Variants in TTLL13 observed in about 807,000 individuals in gnomAD.
TTLL13 encodes tubulin tyrosine ligase like 13.
At chr15:90,264,547 G>C in the TTLL13 span, among the ~76,000 whole-genome samples, 37 of 152,264 alleles carry the variant, frequency 2.4e-4, no homozygotes, top group Middle Eastern at 3.4e-3. Context: ...AGAGGTAATA[G>C]GAACATGGAC....
chr15:90,262,433 T>G, the TTLL13 span: 1 of 1,426,218 alleles, frequency 7.0e-7, no homozygotes, highest in East Asian at 2.5e-5. Flanking sequence ...CCATTTTTCC[T>G]CACCCCTCTT....
At chr15:90,263,175 A>C in the TTLL13 span, 2 of 1,496,202 alleles carry the variant, frequency 1.3e-6, no homozygotes, top group Non-Finnish European at 1.8e-6. Flanking sequence ...CTCCCAGAGG[A>C]AAAGGGAACA....
At chr15:90,254,561 C>T in the TTLL13 span, among the ~76,000 whole-genome samples, 1 of 136,340 alleles carries the variant, frequency 7.3e-6, no homozygotes, top group Non-Finnish European at 1.6e-5. Flanking sequence ...AGGCTGGGCA[C>T]GGTGGACGGT....
chr15:90,258,097 G>T, the TTLL13 span: 1 of 1,614,186 alleles, frequency 6.2e-7, no homozygotes, highest in Non-Finnish European at 8.5e-7. Context: ...GGAGAGCTGT[G>T]GGGGGACATC....
chr15:90,262,398 G>GT, the TTLL13 span: 1 of 1,318,920 alleles, frequency 7.6e-7, no homozygotes, highest in Non-Finnish European at 1.0e-6. Flanking sequence ...AGAACAGATT[G>GT]TAATTTCCTG....
chr15:90,256,543 CTTTTTCTT>C, the TTLL13 span, among the ~76,000 whole-genome samples: 441 of 141,190 alleles, frequency 3.1e-3, 4 homozygotes, highest in African/African-American at 0.011. Flanking sequence ...TGTCTCCTTC[CTTTTTCTT>C]TCTTTCTTTC....
the TTLL13 span, among the ~76,000 whole-genome samples, chr15:90,261,798 A>G: frequency 6.6e-6 from 1 of 152,198 alleles, no homozygotes; most frequent in African/African-American, 2.4e-5. Context: ...AAAGAAAAGC[A>G]AATCAGATTT....
the TTLL13 span, chr15:90,255,739 A>C: frequency 6.2e-7 from 1 of 1,614,078 alleles, no homozygotes; most frequent in Non-Finnish European, 8.5e-7. Context: ...GCTCATACTA[A>C]CTGGCTGTGT....
chr15:90,262,918 G>C, the TTLL13 span: 2,391 of 1,514,252 alleles, frequency 1.6e-3, 24 homozygotes, highest in African/African-American at 0.028. Flanking sequence ...GTGATGGTTT[G>C]GGACTTATCC....
At chr15:90,255,133 T>G in the TTLL13 span, among the ~76,000 whole-genome samples, 14 of 152,242 alleles carry the variant, frequency 9.2e-5, no homozygotes, top group Admixed American at 1.3e-4. Context: ...CAGGGTATTC[T>G]TTTCCAACGG....
chr15:90,257,922 C>T, the TTLL13 span: 1 of 1,065,870 alleles, frequency 9.4e-7, no homozygotes, highest in East Asian at 2.5e-5. Flanking sequence ...CTCCAAACTG[C>T]TAGCAGCCCT....
At chr15:90,263,083 G>A in the TTLL13 span, 3 of 1,536,108 alleles carry the variant, frequency 2.0e-6, no homozygotes, top group Non-Finnish European at 2.6e-6. Context: ...GGGTATTGTA[G>A]AGCAGCTCAC....
At chr15:90,263,490 G>T in the TTLL13 span, 1 of 508,370 alleles carries the variant, frequency 2.0e-6, no homozygotes, top group South Asian at 3.2e-5. Flanking sequence ...TTTCTCCCTA[G>T]CACTGCCAGT....
the TTLL13 span, chr15:90,262,227 T>G: frequency 6.7e-7 from 1 of 1,487,514 alleles, no homozygotes; most frequent in Non-Finnish European, 8.9e-7. Flanking sequence ...CACACCTAGG[T>G]GGGGACAAGT....
chr15:90,256,253 A>C, the TTLL13 span: 2 of 1,614,040 alleles, frequency 1.2e-6, no homozygotes, highest in African/African-American at 2.7e-5. Flanking sequence ...TCCCCGGGAG[A>C]TCAAGCCAGG....
the TTLL13 span, among the ~76,000 whole-genome samples, chr15:90,259,743 A>C: frequency 6.6e-6 from 1 of 152,218 alleles, no homozygotes; most frequent in African/African-American, 2.4e-5. Context: ...ACTTTGTCAT[A>C]AAGAAACACA....
chr15:90,260,430 G>A, the TTLL13 span, among the ~76,000 whole-genome samples: 1 of 152,224 alleles, frequency 6.6e-6, no homozygotes, highest in Non-Finnish European at 1.5e-5. Context: ...CTGGGAGGCT[G>A]AGGTTATAGC....
At chr15:90,262,244 G>T in the TTLL13 span, 1 of 1,448,856 alleles carries the variant, frequency 6.9e-7, no homozygotes, top group East Asian at 2.5e-5. Context: ...AAGTCCTGAA[G>T]CTGCATTGCT....
the TTLL13 span, among the ~76,000 whole-genome samples, chr15:90,260,418 G>T: frequency 2.0e-5 from 3 of 152,158 alleles, no homozygotes; most frequent in African/African-American, 4.8e-5. Context: ...GATGGCTTCA[G>T]CCTGGGAGGC....
Sources: gnomAD v4.1 joint callset for allele counts (sites outside exome capture counted in the v4.1 genomes callset) on GRCh38, gnomAD v4.1.1 for gene constraint, MANE v1.5 for transcripts, NCBI Gene and HGNC (gene_info 2026-07-23, HGNC 2026-07-21) for gene names.